Variants in DCDC1 observed in about 807,000 individuals in gnomAD.
DCDC1 encodes doublecortin domain-containing protein 1.
A neutral mutation model predicts 178.3 loss-of-function variants in DCDC1; 200 were observed. That is an observed-to-expected ratio of 1.12 (90% CI 1.00 to 1.26). DCDC1 has a LOEUF of 1.26. DCDC1 is among the 50% of genes most tolerant of loss of function. The pLI is 0.00. For synonymous variants in DCDC1, 690 were observed against 604.8 expected (o/e 1.14, Z -2.07); for missense variants, 1,983 against 1,749.2 (o/e 1.13, Z -2.38).
At chr11:31,007,554 C>T (rs568954910) in intron 20 of DCDC1, among the ~76,000 whole-genome samples, 1 of 152,052 alleles carries the variant, frequency 6.6e-6, no homozygotes, top group Non-Finnish European at 1.5e-5. Context: ...TAGGATGTCA[C>T]TAAAGAGGAG....
At chr11:31,184,143 AC>A (rs1218511013) in intron 9 of DCDC1, among the ~76,000 whole-genome samples, 1 of 152,162 alleles carries the variant, frequency 6.6e-6, no homozygotes, top group Non-Finnish European at 1.5e-5. Flanking sequence ...CACATCTACA[AC>A]CATCTGATCT....
rs2133337386 is a variant in DCDC1, at chr11:31,355,902, CA to C, written c.-125+13794del. On this transcript the variant is annotated intron_variant, in intron 1 of 38. Transcript: ENST00000684477. ...TAACTTTCTTTCTAAGCCTCCATAC[CA>C]GGGAAACATTCAATCAGGGATGCTC... 1.3e-5 allele frequency among the ~76,000 whole-genome samples: 2 copies of C among 152,120 alleles called. 1 individual carries two copies. The highest frequency in any genetic ancestry group is 2.9e-5 in the Non-Finnish European group (2 of 67,966).
intron 9 of DCDC1, among the ~76,000 whole-genome samples, chr11:31,148,824 G>T (rs1385891817): frequency 1.3e-5 from 2 of 151,990 alleles, no homozygotes; most frequent in East Asian, 3.9e-4. Context: ...GGTGATTTCT[G>T]AGATTTTGGT....
intron 15 of DCDC1, among the ~76,000 whole-genome samples, chr11:31,101,699 C>T (rs1417157924): frequency 1.3e-5 from 2 of 152,038 alleles, no homozygotes; most frequent in Admixed American, 1.3e-4. Context: ...GGTTAATTAA[C>T]AGGAAGTAAA....
intron 20 of DCDC1, among the ~76,000 whole-genome samples, chr11:31,004,593 G>T (rs1951740605): frequency 6.8e-6 from 1 of 148,068 alleles, no homozygotes; most frequent in Non-Finnish European, 1.5e-5. Context: ...TGAGGCAGGA[G>T]AATGGCATAT....
intron 34 of DCDC1, among the ~76,000 whole-genome samples, chr11:30,895,067 A>G (rs999861366): frequency 9.9e-5 from 15 of 152,210 alleles, no homozygotes; most frequent in African/African-American, 3.1e-4. Context: ...AAAAAGTCAC[A>G]CTTATGAAAT....
intron 9 of DCDC1, among the ~76,000 whole-genome samples, chr11:31,186,542 T>A (rs1448694849): frequency 6.6e-6 from 1 of 152,066 alleles, no homozygotes; most frequent in Non-Finnish European, 1.5e-5. Flanking sequence ...TCAGTGCCAC[T>A]CATACTAGTT....
At chr11:31,251,581 T>A (rs1944035009) in intron 8 of DCDC1, among the ~76,000 whole-genome samples, 2 of 151,640 alleles carry the variant, frequency 1.3e-5, no homozygotes, top group Non-Finnish European at 2.9e-5. Context: ...CGTGAACCAA[T>A]TCCTTAAAAC....
At chr11:31,179,497 A>G (rs2136275807) in intron 9 of DCDC1, among the ~76,000 whole-genome samples, 1 of 152,340 alleles carries the variant, frequency 6.6e-6, no homozygotes, top group African/African-American at 2.4e-5. Flanking sequence ...TCAACCTTTA[A>G]AAAGAAGGAA....
Position 30,894,323 on chromosome 11 carries a change from G to A in DCDC1, c.4827C>T (p.Pro1609=), listed in dbSNP as rs369919606. 8.7e-6 allele frequency: 14 copies of A among 1,613,680 alleles called. No individual in the cohort carries two copies. The highest frequency in any genetic ancestry group is 2.2e-5 in the East Asian group (1 of 44,876). The change falls in exon 35 of 39, where the codon CCC becomes CCT. Residue 1609 remains proline (P), a synonymous_variant. Transcript: ENST00000684477. ...TMVPTKSPVQ[P]VVVEGGWTEQ... is the part of the protein sequence containing the mutation. The stretch of plus-strand genomic sequence containing the variant: ...CGGTCCAGCCTCCTTCAACCACCAC[G>A]GGCTGCACAGGGCTCTTGGTAGGAA...
rs567495883 is a variant in DCDC1, at chr11:31,294,376, G to A, written c.755-3524C>T. Among the ~76,000 whole-genome samples the A allele has an allele frequency of 7.9e-5, 12 of 151,768 alleles. No homozygotes were observed. In the East Asian group the frequency reaches 2.3e-3, roughly 30 times the overall value. ...GCAGTTGGATCACCCAGGGTCAGGA[G>A]TTCAAGACCAGCCTGGCCAACATGG... On this transcript the variant is annotated intron_variant, in intron 6 of 38. Coordinates refer to ENST00000684477, the MANE Select transcript of DCDC1 (RefSeq NM_001387274.1).
intron 10 of DCDC1, among the ~76,000 whole-genome samples, chr11:31,133,001 G>A (rs961700863): frequency 6.6e-6 from 1 of 152,176 alleles, no homozygotes; most frequent in Non-Finnish European, 1.5e-5. Context: ...ATGTTTGTAT[G>A]GTGTATGCAA....
At chr11:31,365,050 G>C (rs1256471542) in intron 1 of DCDC1, among the ~76,000 whole-genome samples, 1 of 152,038 alleles carries the variant, frequency 6.6e-6, no homozygotes, top group Non-Finnish European at 1.5e-5. Context: ...ATTTCCTCTG[G>C]CATAGTACTT....
chr11:31,329,053 T>A (rs563052471), intron 2 of DCDC1, among the ~76,000 whole-genome samples: 6 of 150,226 alleles, frequency 4.0e-5, no homozygotes, highest in African/African-American at 1.5e-4. Flanking sequence ...GGCCTTGCCT[T>A]CAAGGCATGG....
intron 34 of DCDC1, among the ~76,000 whole-genome samples, chr11:30,896,045 G>T (rs117704651): frequency 4.6e-5 from 7 of 152,078 alleles, no homozygotes; most frequent in African/African-American, 7.2e-5. Flanking sequence ...TGCTTCTAAC[G>T]GTCTTAAGAA....
At chr11:31,232,569 T>C (rs948698839) in intron 9 of DCDC1, among the ~76,000 whole-genome samples, 2 of 152,176 alleles carry the variant, frequency 1.3e-5, no homozygotes, top group Non-Finnish European at 2.9e-5. Flanking sequence ...CCTGACTTCA[T>C]GCCACTGCCT....
chr11:30,928,787 A>T (rs926229841), intron 22 of DCDC1, among the ~76,000 whole-genome samples: 16 of 150,754 alleles, frequency 1.1e-4, no homozygotes, highest in African/African-American at 3.9e-4. Context: ...ATATATTTTC[A>T]CTATTTTATT....
At chr11:31,179,756 G>A (rs1457535504) in intron 9 of DCDC1, among the ~76,000 whole-genome samples, 1 of 152,012 alleles carries the variant, frequency 6.6e-6, no homozygotes, top group East Asian at 1.9e-4. Flanking sequence ...AATTGAAGAG[G>A]AAAAAATATT....
intron 20 of DCDC1, among the ~76,000 whole-genome samples, chr11:30,974,278 A>G (rs1007338843): frequency 6.6e-6 from 1 of 151,814 alleles, no homozygotes; most frequent in African/African-American, 2.4e-5. Context: ...TGCATCAAAA[A>G]AAAAAAAAAG....
Sources: gnomAD v4.1 joint callset for allele counts (sites outside exome capture counted in the v4.1 genomes callset) on GRCh38, gnomAD v4.1.1 for gene constraint, MANE v1.5 for transcripts, NCBI Gene and HGNC (gene_info 2026-07-23, HGNC 2026-07-21) for gene names.